The following NMD3 variants were observed in gnomAD, a reference collection of about 807,000 sequenced individuals.
NMD3 encodes the protein NMD3 ribosome export adaptor.
NMD3 carries 47 observed loss-of-function variants against 73.1 expected under a neutral mutation model. The ratio of observed to expected loss-of-function variants is 0.64; its 90% confidence interval spans 0.51 to 0.82. NMD3 has a LOEUF of 0.82. Ranked by LOEUF, NMD3 falls within the 40% of genes least tolerant of loss-of-function variation. The probability of loss-of-function intolerance (pLI) is 0.00; values close to 1 mark genes in which losing one functional copy is unlikely to be tolerated. For missense variants in NMD3, 554 were observed against 612.5 expected, an observed-to-expected ratio of 0.90 and a Z score of 1.01; for synonymous variants, 210 against 194.5, an observed-to-expected ratio of 1.08 and a Z score of -0.66.
chr3:161,231,570 T>A (rs1044130302), intron 4 of NMD3, among the ~76,000 whole-genome samples: 1 of 152,150 alleles, frequency 6.6e-6, no homozygotes, highest in Non-Finnish European at 1.5e-5. Context: ...AATAGATTAC[T>A]ATAAAAAAGA....
At chr3:161,236,107 A>G (rs987585466) in intron 7 of NMD3, among the ~76,000 whole-genome samples, 1 of 152,080 alleles carries the variant, frequency 6.6e-6, no homozygotes, top group African/African-American at 2.4e-5. Context: ...TCTTCTGAGT[A>G]CTATAATGGG....
At chr3:161,241,810 G>T (rs1736997215) in intron 10 of NMD3, among the ~76,000 whole-genome samples, 1 of 152,000 alleles carries the variant, frequency 6.6e-6, no homozygotes, top group Admixed American at 6.6e-5. Context: ...TTTAAATTTT[G>T]GAACATTTGG....
In NMD3 at chr3:161,234,676, T is replaced by C. The variant is rs1303977188; in HGVS notation, c.358-51T>C. 4.7e-6 allele frequency: 7 copies of C among 1,493,494 alleles called. No individual in the cohort carries two copies. The East Asian group carries it at 9.2e-5, about 20-fold the overall frequency. 92.5% of individuals were successfully genotyped at this position (1,493,494 alleles called of 1,614,324 possible). A position where few individuals can be genotyped will look rare whatever the true frequency, so the allele number is the denominator to read the frequency against. ...TAAAGGTTCTTCTTTAAAGAAAATA[T>C]TTGTTATTAAACAAAACCAAAAGAA... On this transcript the variant is annotated intron_variant, in intron 5 of 15. Transcript: ENST00000351193.
At chr3:161,246,824 G>A (rs767024229) in intron 12 of NMD3, among the ~76,000 whole-genome samples, 1 of 152,090 alleles carries the variant, frequency 6.6e-6, no homozygotes, top group Non-Finnish European at 1.5e-5. Flanking sequence ...GCTTGTAAAG[G>A]CATAGATCAG....
chr3:161,243,998 T>C lies in NMD3; in HGVS notation c.1017+1345T>C, dbSNP rs532258988. Reference sequence around the variant, plus strand: ...ATAATTCTTGCCCATAAATTAATTATTTTATTCAGGGTTACAAAATGGTGA... The same window carrying C: ...ATAATTCTTGCCCATAAATTAATTACTTTATTCAGGGTTACAAAATGGTGA... On this transcript the variant is annotated intron_variant, in intron 11 of 15. Coordinates refer to ENST00000351193, the MANE Select transcript of NMD3 (RefSeq NM_015938.5). 2.0e-5 allele frequency among the ~76,000 whole-genome samples: 3 copies of C among 152,336 alleles called. No homozygotes were observed. In the East Asian group the frequency reaches 5.8e-4, roughly 29 times the overall value.
chr3:161,241,599 T>G (rs1300731254), intron 10 of NMD3, among the ~76,000 whole-genome samples: 3 of 152,122 alleles, frequency 2.0e-5, no homozygotes, highest in African/African-American at 7.2e-5. Context: ...TTTTGTATTT[T>G]TAGTAGAGAC....
In NMD3 at chr3:161,241,031, A is replaced by G. The variant is rs751441090; in HGVS notation, c.754-15A>G. ...TAGGATATGCCTCATTCTAAATGTT[A>G]GTTCTTATGCCTAGGATAATGTTGT... is the stretch of plus-strand genomic sequence containing the variant. On this transcript the variant is annotated splice_polypyrimidine_tract_variant and intron_variant, in intron 9 of 15. Transcript: ENST00000351193. The G allele has an allele frequency of 3.3e-6, 5 of 1,504,160 alleles. No individual in the cohort carries two copies. The African/African-American group carries it at 4.1e-5, about 12-fold the overall frequency. The allele number at this position is 1,504,160 out of a possible 1,614,324, so 93.2% of individuals were successfully genotyped here.
In NMD3 at chr3:161,251,712, CTA is replaced by C. The variant is rs1320697863; in HGVS notation, c.*805_*806del. ...TATAAATTGAGAAGGAATTTTCTCT[CTA>C]TAAGTTTCTGTCATTGAACAGATCA... On this transcript the variant is annotated 3_prime_UTR_variant, in exon 16 of 16. Coordinates refer to ENST00000351193, the MANE Select transcript of NMD3 (RefSeq NM_015938.5). The C allele has an allele frequency of 1.6e-4, 25 of 152,086 alleles. No homozygotes were observed. Among genetic ancestry groups the C allele is most frequent in the Admixed American group, 1.6e-3 (25 of 15,264 alleles). 9.4% of individuals were successfully genotyped at this position (152,086 alleles called of 1,614,324 possible).
In NMD3 at chr3:161,251,074, G is replaced by T; in HGVS notation, c.*164G>T. 1.9e-6 allele frequency: 1 copy of T among 519,752 alleles called. No individual in the cohort carries two copies. The highest frequency in any genetic ancestry group is 3.4e-6 in the Non-Finnish European group (1 of 292,358). The allele number at this position is 519,752 out of a possible 1,614,324, so 32.2% of individuals were successfully genotyped here. Reference sequence around the variant, plus strand: ...GCTCACTCAAACCACTAAAACAGATGGATAGCTTTGAGGTTTTAGATAAGG... The same window carrying T: ...GCTCACTCAAACCACTAAAACAGATTGATAGCTTTGAGGTTTTAGATAAGG... On this transcript the variant is annotated 3_prime_UTR_variant, in exon 16 of 16. Coordinates refer to ENST00000351193, the MANE Select transcript of NMD3 (RefSeq NM_015938.5).
chr3:161,235,550 C>T (rs1736724099), intron 7 of NMD3, among the ~76,000 whole-genome samples: 1 of 152,102 alleles, frequency 6.6e-6, no homozygotes, highest in Admixed American at 6.6e-5. Context: ...ATACATACTT[C>T]TGTCCAATCT....
Position 161,232,603 on chromosome 3 carries a change from A to G in NMD3, c.277-796A>G, listed in dbSNP as rs995299607. On this transcript the variant is annotated intron_variant, in intron 4 of 15. Transcript: ENST00000351193. ...AGCAAATACTTGAGCATCATTCTGG[A>G]GTCTGTTCTCTTCCTCTTTTCCATA... 2.0e-5 allele frequency among the ~76,000 whole-genome samples: 3 copies of G among 152,188 alleles called. No homozygotes were observed. The East Asian group carries it at 5.8e-4, about 29-fold the overall frequency.
chr3:161,227,240 CTT>C lies in NMD3; in HGVS notation c.180-4_180-3del. 4 of 1,561,106 alleles carry C rather than the reference CTT, an allele frequency of 2.6e-6. No individual in the cohort carries two copies. Among genetic ancestry groups the C allele is most frequent in the Non-Finnish European group, 3.5e-6 (4 of 1,137,504 alleles). ...GTTGGATTTCAGTATGTTATCTTCT[CTT>C]TTAGGTATTTTCAACCACCAGGAAC... is the stretch of plus-strand genomic sequence containing the variant. On this transcript the variant is annotated splice_region_variant and splice_polypyrimidine_tract_variant and intron_variant, in intron 3 of 15. Transcript: ENST00000351193.
chr3:161,225,879 C>T (rs1474300024), intron 3 of NMD3, among the ~76,000 whole-genome samples: 1 of 151,330 alleles, frequency 6.6e-6, no homozygotes, highest in Non-Finnish European at 1.5e-5. Context: ...TGTATATATA[C>T]ATATATATAC....
At chr3:161,238,039 A>G in intron 7 of NMD3, 74 bp from the exon 8 acceptor site, 1 of 959,542 alleles carries the variant, frequency 1.0e-6, no homozygotes, top group South Asian at 1.5e-5. Flanking sequence ...TGTAATTTAT[A>G]ATATAGTCAT....
At chr3:161,230,560 A>G (rs1736493347) in intron 4 of NMD3, among the ~76,000 whole-genome samples, 2 of 152,174 alleles carry the variant, frequency 1.3e-5, no homozygotes, top group Non-Finnish European at 2.9e-5. Context: ...GGTGGCCTCA[A>G]TAAGTGGAAA....
rs1553789114 is a variant in NMD3, at chr3:161,221,988, TA to T, written c.-20-2del. The T allele has an allele frequency of 5.0e-4, 601 of 1,192,378 alleles. 4 individuals are homozygous for T. Among genetic ancestry groups the T allele is most frequent in the Middle Eastern group, 6.4e-4 (3 of 4,658 alleles). The allele number at this position is 1,192,378 out of a possible 1,614,324, so 73.9% of individuals were successfully genotyped here. A position where few individuals can be genotyped will look rare whatever the true frequency, so the allele number is the denominator to read the frequency against. On this transcript the variant is annotated splice_region_variant and splice_polypyrimidine_tract_variant and intron_variant, in intron 1 of 15. Transcript: ENST00000351193. ...TTTTTTTTTTTTTTTTTTTTTTTTT[TA>T]AAAGAACTTAAGGCATACAGAACGA...
intron 5 of NMD3, among the ~76,000 whole-genome samples, 165 bp from the exon 6 acceptor site, chr3:161,234,562 A>G (rs182346592): frequency 1.3e-5 from 2 of 152,198 alleles, no homozygotes. Context: ...CGTTCTTGAA[A>G]TAGTATAACT....
chr3:161,233,607 T>G, intron 5 of NMD3, 128 bp downstream of exon 5: 1 of 534,140 alleles, frequency 1.9e-6, no homozygotes, highest in Non-Finnish European at 3.3e-6. Flanking sequence ...AGCTGTTTGT[T>G]TTCTTTTGAG....
chr3:161,250,773 T>C lies in NMD3; in HGVS notation c.1382-7T>C, dbSNP rs751444758. The C allele has an allele frequency of 3.1e-6, 5 of 1,587,586 alleles. No homozygotes were observed. ...GTATTTATTTTATTCTCTTTGTATTTTTTTAGATTCAGCCATCCCTGTGGA... is the reference window on the plus strand; with the variant it reads ...GTATTTATTTTATTCTCTTTGTATTCTTTTAGATTCAGCCATCCCTGTGGA... On this transcript the variant is annotated splice_region_variant and splice_polypyrimidine_tract_variant and intron_variant, in intron 15 of 15. Transcript: ENST00000351193.
Sources: gnomAD v4.1 joint callset for allele counts (sites outside exome capture counted in the v4.1 genomes callset) on GRCh38, gnomAD v4.1.1 for gene constraint, MANE v1.5 for transcripts, NCBI Gene and HGNC (gene_info 2026-07-23, HGNC 2026-07-21) for gene names.